The following SLC9A2 variants were observed in gnomAD, a reference collection of about 807,000 sequenced individuals.
SLC9A2 encodes the protein sodium/hydrogen exchanger 2.
SLC9A2 carries 42 observed loss-of-function variants against 71.7 expected under a neutral mutation model. That is an observed-to-expected ratio of 0.59 (90% CI 0.46 to 0.76). SLC9A2 has a LOEUF of 0.76. Ranked by LOEUF, SLC9A2 falls within the 30% of genes least tolerant of loss-of-function variation. The pLI, the probability that SLC9A2 is intolerant of heterozygous loss-of-function variation, is 0.00. For synonymous variants in SLC9A2, 396 were observed against 392.5 expected, an observed-to-expected ratio of 1.01 and a Z score of -0.10; for missense variants, 829 against 1,017.4, an observed-to-expected ratio of 0.81 and a Z score of 2.52.
At chr2:102,639,182 T>TA (rs1007850210) in intron 1 of SLC9A2, among the ~76,000 whole-genome samples, 3 of 152,176 alleles carry the variant, frequency 2.0e-5, no homozygotes, top group Non-Finnish European at 2.9e-5. Flanking sequence ...AAACCCTGTC[T>TA]AAAAAAATAG....
intron 1 of SLC9A2, among the ~76,000 whole-genome samples, chr2:102,625,354 G>T (rs1195127836): frequency 3.3e-5 from 5 of 152,100 alleles, no homozygotes; most frequent in Admixed American, 2.6e-4. Flanking sequence ...AAGTTCTAGG[G>T]TACATGTGCA....
At chr2:102,699,095 A>T (rs974586661) in intron 7 of SLC9A2, among the ~76,000 whole-genome samples, 4 of 152,202 alleles carry the variant, frequency 2.6e-5, no homozygotes, top group Non-Finnish European at 5.9e-5. Flanking sequence ...GGGGAAAAAT[A>T]CATCTGGGCA....
chr2:102,620,180 G>C (rs371489781), intron 1 of SLC9A2, 43 bp downstream of exon 1: 2 of 1,543,734 alleles, frequency 1.3e-6, no homozygotes, highest in African/African-American at 2.7e-5. Context: ...GGGCGATCTC[G>C]GGGGGACACC....
chr2:102,699,440 A>G (rs968764481), intron 7 of SLC9A2, among the ~76,000 whole-genome samples: 2 of 152,222 alleles, frequency 1.3e-5, no homozygotes, highest in Admixed American at 6.5e-5. Flanking sequence ...CAGGACAGTT[A>G]CATCATTAGA....
chr2:102,652,775 G>C (rs1676857520), intron 1 of SLC9A2, among the ~76,000 whole-genome samples: 1 of 152,012 alleles, frequency 6.6e-6, no homozygotes, highest in South Asian at 2.1e-4. Context: ...AAATTCCTTT[G>C]CTTTTTTTCC....
At chr2:102,654,218 T>TTTTTTTG in intron 1 of SLC9A2, among the ~76,000 whole-genome samples, 1 of 148,924 alleles carries the variant, frequency 6.7e-6, no homozygotes, top group Non-Finnish European at 1.5e-5. Flanking sequence ...TTTTTTTTTT[T>TTTTTTTG]GAGACGGAGT....
chr2:102,639,102 T>C (rs1330000979), intron 1 of SLC9A2, among the ~76,000 whole-genome samples: 1 of 152,224 alleles, frequency 6.6e-6, no homozygotes, highest in East Asian at 1.9e-4. Flanking sequence ...GAGGATTTCT[T>C]GAGCCTAGGA....
chr2:102,708,587 T>G lies in SLC9A2; in HGVS notation c.*98T>G. The G allele has an allele frequency of 9.4e-6, 13 of 1,385,238 alleles. No homozygotes were observed. The highest frequency in any genetic ancestry group is 1.4e-5 in the South Asian group (1 of 71,388). 85.8% of individuals were successfully genotyped at this position (1,385,238 alleles called of 1,614,324 possible). ...ACAGTGGAATCCATGTAAAACTCTC[T>G]GTGCATCTAAATACTTCTGGAGGGC... On this transcript the variant is annotated 3_prime_UTR_variant, in exon 12 of 12. Transcript: ENST00000233969.
chr2:102,632,574 T>C (rs151225341), intron 1 of SLC9A2, among the ~76,000 whole-genome samples: 1 of 152,198 alleles, frequency 6.6e-6, no homozygotes, highest in East Asian at 1.9e-4. Flanking sequence ...TTTGTCAAAT[T>C]CATCCCTTGT....
At chr2:102,626,728 A>G (rs796599432) in intron 1 of SLC9A2, among the ~76,000 whole-genome samples, 40 of 152,348 alleles carry the variant, frequency 2.6e-4, no homozygotes, top group African/African-American at 8.4e-4. Flanking sequence ...ATTTACAAGA[A>G]AAAAACATAC....
chr2:102,706,535 T>A (rs760163152), intron 11 of SLC9A2, among the ~76,000 whole-genome samples: 3 of 152,102 alleles, frequency 2.0e-5, no homozygotes, highest in Non-Finnish European at 4.4e-5. Flanking sequence ...GTAACAAACC[T>A]GCACATTGTG....
rs952097277 is a variant in SLC9A2, at chr2:102,710,977, G to A, written c.*2488G>A. The A allele has an allele frequency of 4.6e-5, 7 of 152,332 alleles. No homozygotes were observed. Among genetic ancestry groups the A allele is most frequent in the Non-Finnish European group, 1.0e-4 (7 of 68,032 alleles). The allele number at this position is 152,332 out of a possible 1,614,324, so 9.4% of individuals were successfully genotyped here. The stretch of plus-strand genomic sequence containing the variant: ...TGCTGAGAGGAGACTGTTGGGAACA[G>A]TTATGTCAATGAGCAAACTAGAAAT... On this transcript the variant is annotated 3_prime_UTR_variant, in exon 12 of 12. Transcript: ENST00000233969.
chr2:102,654,109 G>T (rs1340072976), intron 1 of SLC9A2, among the ~76,000 whole-genome samples: 4 of 151,526 alleles, frequency 2.6e-5, no homozygotes, highest in Admixed American at 6.6e-5. Context: ...GCCCATGGCA[G>T]AAACCCCCAG....
At chr2:102,627,715 C>T (rs978121804) in intron 1 of SLC9A2, among the ~76,000 whole-genome samples, 1 of 151,938 alleles carries the variant, frequency 6.6e-6, no homozygotes, top group Non-Finnish European at 1.5e-5. Context: ...TGCTTCTGCT[C>T]TTACATTTAT....
At chr2:102,679,791 A>G (rs1443062759) in intron 3 of SLC9A2, among the ~76,000 whole-genome samples, 1 of 152,236 alleles carries the variant, frequency 6.6e-6, no homozygotes, top group African/African-American at 2.4e-5. Context: ...AATGATATGA[A>G]CATAATTTCA....
chr2:102,669,693 C>G (rs1000075273), intron 3 of SLC9A2, among the ~76,000 whole-genome samples: 5 of 152,210 alleles, frequency 3.3e-5, no homozygotes, highest in African/African-American at 1.2e-4. Flanking sequence ...AGTCAAAGCA[C>G]TGATGATTCC....
At chr2:102,683,204 T>C in intron 3 of SLC9A2, 57 bp from the exon 4 acceptor site, 1 of 1,258,396 alleles carries the variant, frequency 7.9e-7, no homozygotes, top group Non-Finnish European at 1.2e-6. Flanking sequence ...TGCTATCTCT[T>C]GCATTCTGAT....
At chr2:102,630,641 C>CT (rs1676338913) in intron 1 of SLC9A2, among the ~76,000 whole-genome samples, 1 of 151,646 alleles carries the variant, frequency 6.6e-6, no homozygotes, top group South Asian at 2.1e-4. Flanking sequence ...GTGATTTTAT[C>CT]TTATCTTTTT....
chr2:102,695,168 C>G, intron 7 of SLC9A2, 55 bp downstream of exon 7: 11 of 1,178,408 alleles, frequency 9.3e-6, no homozygotes, highest in Non-Finnish European at 1.3e-5. Flanking sequence ...ATTCTGAAAG[C>G]AGGACTTACT....
Sources: gnomAD v4.1 joint callset for allele counts (sites outside exome capture counted in the v4.1 genomes callset) on GRCh38, gnomAD v4.1.1 for gene constraint, MANE v1.5 for transcripts, NCBI Gene and HGNC (gene_info 2026-07-23, HGNC 2026-07-21) for gene names.